Variants in OSBPL10 observed in about 807,000 individuals in gnomAD.
OSBPL10 encodes the protein oxysterol binding protein like 10.
A neutral mutation model predicts 81.7 loss-of-function variants in OSBPL10; 49 were observed. That is an observed-to-expected ratio of 0.60 (90% CI 0.48 to 0.76). The LOEUF (loss-of-function observed/expected upper bound fraction) is 0.76. Among genes scored for constraint, OSBPL10 ranks in the 30% least tolerant of loss-of-function variants. The probability of loss-of-function intolerance (pLI) is 0.00; values close to 1 mark genes in which losing one functional copy is unlikely to be tolerated. For missense variants in OSBPL10, 923 were observed against 987.8 expected (o/e 0.93, Z 0.88); for synonymous variants, 419 against 383.6 (o/e 1.09, Z -1.08).
rs74436039 is a variant in OSBPL10 at position 31,774,705 on chromosome 3, G to T, written c.730-26585C>A. On this transcript the variant is annotated intron_variant, in intron 4 of 11. Transcript: ENST00000396556. ...TTTTTGTATTTTTAGTAGAGACAGT[G>T]TTTCACCATGTTGTCCAGGCTGGTC... Among the ~76,000 whole-genome samples the T allele has an allele frequency of 4.5e-3, 678 of 151,470 alleles. 20 individuals carry two copies. In the East Asian group the frequency reaches 0.093, roughly 21 times the overall value.
chr3:31,847,135 C>T (rs536331109), intron 3 of OSBPL10, among the ~76,000 whole-genome samples: 3 of 152,030 alleles, frequency 2.0e-5, no homozygotes, highest in Non-Finnish European at 2.9e-5. Flanking sequence ...ATCATTTATC[C>T]ACCAGGTGGT....
At chr3:31,907,413 G>A (rs948211128) in intron 1 of OSBPL10, among the ~76,000 whole-genome samples, 5 of 151,934 alleles carry the variant, frequency 3.3e-5, no homozygotes, top group African/African-American at 7.3e-5. Context: ...GATCACTTGA[G>A]GTCAGCAGTT....
chr3:32,070,644 C>A (rs1179115777), intron 1 of OSBPL10, among the ~76,000 whole-genome samples: 1 of 152,184 alleles, frequency 6.6e-6, no homozygotes, highest in Non-Finnish European at 1.5e-5. Flanking sequence ...CTTCTAAAAC[C>A]TATAAATTCT....
At chr3:31,747,575 G>A (rs2125696550) in intron 5 of OSBPL10, among the ~76,000 whole-genome samples, 1 of 150,590 alleles carries the variant, frequency 6.6e-6, no homozygotes, top group Admixed American at 6.6e-5. Context: ...CAGCAAGTCT[G>A]AAAGGTGTTC....
chr3:31,775,664 A>AAGGGATGAAGG, intron 4 of OSBPL10, among the ~76,000 whole-genome samples: 1 of 152,276 alleles, frequency 6.6e-6, no homozygotes, highest in South Asian at 2.1e-4. Flanking sequence ...TCAAACTGTC[A>AAGGGATGAAGG]AGGGATGAAG....
At chr3:31,795,531 G>A (rs981947384) in intron 4 of OSBPL10, 10 of 185,464 alleles carry the variant, frequency 5.4e-5, no homozygotes, top group East Asian at 1.8e-4. Context: ...GTGAATGTGG[G>A]AAATCCTTTA....
intron 1 of OSBPL10, among the ~76,000 whole-genome samples, chr3:31,915,040 G>C (rs536400795): frequency 5.9e-5 from 9 of 152,202 alleles, no homozygotes; most frequent in African/African-American, 2.2e-4. Context: ...GGCACAATCA[G>C]AGCTCACTGT....
At chr3:31,873,223 T>TA (rs946673528) in intron 3 of OSBPL10, among the ~76,000 whole-genome samples, 9 of 151,720 alleles carry the variant, frequency 5.9e-5, no homozygotes, top group African/African-American at 1.9e-4. Flanking sequence ...AACCTCAATT[T>TA]AAAAAAAATG....
chr3:31,910,609 C>A lies in OSBPL10; in HGVS notation c.282-30779G>T, dbSNP rs531777843. Among the ~76,000 whole-genome samples the A allele has an allele frequency of 4.7e-3, 707 of 151,700 alleles. 1 individual carries two copies. Among genetic ancestry groups the A allele is most frequent in the Non-Finnish European group, 7.4e-3 (500 of 67,944 alleles). The stretch of plus-strand genomic sequence containing the variant: ...CAAGATCATGCCACTGCACTCCAGT[C>A]TGGGGGACAGAGTGAGACTCTAGCT... On this transcript the variant is annotated intron_variant, in intron 1 of 11. Coordinates refer to ENST00000396556, the MANE Select transcript of OSBPL10 (RefSeq NM_017784.5).
chr3:32,049,794 C>T (rs951796134), intron 1 of OSBPL10, among the ~76,000 whole-genome samples: 1 of 152,160 alleles, frequency 6.6e-6, no homozygotes, highest in African/African-American at 2.4e-5. Context: ...GATGGGACTA[C>T]TGGAAAAGAT....
At chr3:31,946,708 T>C (rs1338425167) in intron 1 of OSBPL10, among the ~76,000 whole-genome samples, 1 of 152,216 alleles carries the variant, frequency 6.6e-6, no homozygotes, top group African/African-American at 2.4e-5. Flanking sequence ...GAAGCAAGGC[T>C]ATGACACAAG....
chr3:31,847,865 G>C (rs950550725), intron 3 of OSBPL10, among the ~76,000 whole-genome samples: 2 of 152,112 alleles, frequency 1.3e-5, no homozygotes, highest in African/African-American at 4.8e-5. Context: ...CTGGAAGCAG[G>C]GCCCAGAAGC....
At chr3:31,721,330 T>C (rs1272245417) in intron 6 of OSBPL10, 1 of 152,234 alleles carries the variant, frequency 6.6e-6, no homozygotes, top group East Asian at 1.9e-4. Flanking sequence ...TGGTAATTTG[T>C]TACAGCAGCA....
intron 7 of OSBPL10, among the ~76,000 whole-genome samples, chr3:31,688,283 TCACACACACA>T (rs55643097): frequency 1.5e-4 from 17 of 115,408 alleles, no homozygotes; most frequent in South Asian, 3.3e-4. Flanking sequence ...TCTCTCTCTC[TCACACACACA>T]CACACACACA....
At chr3:31,991,925 C>A (rs1043829693) in intron 2 of OSBPL10, among the ~76,000 whole-genome samples, 2 of 151,284 alleles carry the variant, frequency 1.3e-5, no homozygotes, top group African/African-American at 4.9e-5. Context: ...TTGGGTGGAT[C>A]ACTTGAGGTT....
rs543761340 is a variant in OSBPL10 at position 31,837,311 on chromosome 3, G to A, written c.538-7080C>T. The stretch of plus-strand genomic sequence containing the variant: ...TGTGTGCTATATTCCTAGAATTACA[G>A]ATCCCCAAATTATATATATATATAT... On this transcript the variant is annotated intron_variant, in intron 3 of 11. Transcript: ENST00000396556. Among the ~76,000 whole-genome samples the A allele has an allele frequency of 2.8e-4, 28 of 100,680 alleles. No individual in the cohort carries two copies. In the East Asian group the frequency reaches 8.0e-3, roughly 29 times the overall value. 66.0% of individuals were successfully genotyped at this position (100,680 alleles called of 152,430 possible).
chr3:32,023,484 G>A (rs745837991), intron 2 of OSBPL10, among the ~76,000 whole-genome samples: 5 of 152,042 alleles, frequency 3.3e-5, no homozygotes, highest in African/African-American at 4.8e-5. Flanking sequence ...CTTTATTAGC[G>A]GTGTGAAGAC....
At chr3:31,865,612 G>A (rs905733006) in intron 3 of OSBPL10, among the ~76,000 whole-genome samples, 1 of 152,162 alleles carries the variant, frequency 6.6e-6, no homozygotes, top group African/African-American at 2.4e-5. Flanking sequence ...AAGAGCTCAT[G>A]TTGTTTAAAA....
At chr3:31,967,597 C>G (rs1305262831) in intron 1 of OSBPL10, among the ~76,000 whole-genome samples, 1 of 152,120 alleles carries the variant, frequency 6.6e-6, no homozygotes, top group Non-Finnish European at 1.5e-5. Flanking sequence ...ATGAAAGAGA[C>G]AGTTGACATT....
Sources: allele counts gnomAD v4.1 joint callset (sites outside exome capture counted in the v4.1 genomes callset), GRCh38; gene constraint gnomAD v4.1.1; transcripts MANE v1.5; gene names NCBI Gene and HGNC (gene_info 2026-07-23, HGNC 2026-07-21).